Variants in PRKCZ observed in about 807,000 individuals in gnomAD.
The protein encoded by PRKCZ is protein kinase C zeta type.
In PRKCZ, 33 loss-of-function variants were observed where a neutral mutation model predicts 79.5. The ratio of observed to expected loss-of-function variants is 0.41; its 90% CI spans 0.31 to 0.55. The LOEUF (loss-of-function observed/expected upper bound fraction) is 0.55. Among genes scored for constraint, PRKCZ ranks in the 20% least tolerant of loss-of-function variants. The pLI is 0.19. For synonymous variants in PRKCZ, 342 were observed against 320.9 expected, an observed-to-expected ratio of 1.07 and a Z score of -0.70; for missense variants, 578 against 813.5, an observed-to-expected ratio of 0.71 and a Z score of 3.52.
chr1:2,064,308 T>C (rs1171740387), intron 4 of PRKCZ, among the ~76,000 whole-genome samples: 1 of 152,248 alleles, frequency 6.6e-6, no homozygotes, highest in East Asian at 1.9e-4. Context: ...CTTCTCCTGC[T>C]TTGTGGGTTG....
chr1:2,144,095 C>G, intron 5 of PRKCZ, 115 bp from the exon 6 acceptor site: 1 of 1,417,748 alleles, frequency 7.1e-7, no homozygotes, highest in Non-Finnish European at 9.4e-7. Context: ...CCGGGGCCAC[C>G]TGTTGCCCGG....
Position 2,184,603 on chromosome 1 carries a change from C to G in PRKCZ, c.1596C>G (p.Leu532=). ...CCAAGCTGGAGAAGAAGCAGGCGCTCCCTCCATTCCAGCCACAGATCACAG... is the reference window on the plus strand; with the variant it reads ...CCAAGCTGGAGAAGAAGCAGGCGCTGCCTCCATTCCAGCCACAGATCACAG... The part of the protein sequence containing the change: ...DWDLLEKKQA[L]PPFQPQITDD... The change falls in exon 17 of 18, where the codon CTC becomes CTG. Residue 532 remains leucine, a synonymous_variant. Transcript: ENST00000378567. 6.2e-7 allele frequency: 1 copy of G among 1,613,902 alleles called. No homozygotes were observed. The highest frequency in any genetic ancestry group is 1.3e-5 in the African/African-American group (1 of 75,056).
At chr1:2,135,403 C>A in intron 5 of PRKCZ, 56 bp downstream of exon 5, 2 of 1,472,688 alleles carry the variant, frequency 1.4e-6, no homozygotes, top group Non-Finnish European at 1.9e-6. Flanking sequence ...CTTTTAAAAG[C>A]AAAGAGAGAG....
chr1:2,148,577 C>G (rs1212053144), intron 7 of PRKCZ, among the ~76,000 whole-genome samples: 1 of 152,236 alleles, frequency 6.6e-6, no homozygotes, highest in Admixed American at 6.5e-5. Flanking sequence ...ACTCCTGCCC[C>G]TACCCACCCA....
At chr1:2,152,683 C>T (rs906164398) in intron 9 of PRKCZ, among the ~76,000 whole-genome samples, 2 of 152,244 alleles carry the variant, frequency 1.3e-5, no homozygotes, top group South Asian at 2.1e-4. Context: ...TTCTGCTCTG[C>T]GTCAGCCCCA....
At chr1:2,181,707 G>C in intron 16 of PRKCZ, 1 of 409,082 alleles carries the variant, frequency 2.4e-6, no homozygotes, top group Non-Finnish European at 5.0e-6. Flanking sequence ...AGGACCCTGG[G>C]CCAGCTCCAG....
Position 2,121,462 on chromosome 1 carries a change from A to G in PRKCZ, c.335-13800A>G, listed in dbSNP as rs886302859. 8.9e-3 allele frequency among the ~76,000 whole-genome samples: 682 copies of G among 76,338 alleles called. 12 individuals are homozygous for G. In the East Asian group the frequency reaches 0.13, roughly 14 times the overall value. The allele number at this position is 76,338 out of a possible 152,430, so 50.1% of individuals were successfully genotyped here. A position where few individuals can be genotyped will look rare whatever the true frequency, so the allele number is the denominator to read the frequency against. ...TAGAGTCATGGCGGTAGTTAGTTAG[A>G]GTCATGGCGGTAGTTAGTTAGGGTC... On this transcript the variant is annotated intron_variant, in intron 4 of 17. Coordinates refer to ENST00000378567, the MANE Select transcript of PRKCZ (RefSeq NM_002744.6).
intron 4 of PRKCZ, among the ~76,000 whole-genome samples, chr1:2,129,426 C>G (rs1674536676): frequency 6.6e-6 from 1 of 152,140 alleles, no homozygotes; most frequent in Admixed American, 6.5e-5. Flanking sequence ...AGTCACGGTG[C>G]AGCAGGGCCC....
chr1:2,073,232 C>G (rs148700379), intron 4 of PRKCZ, among the ~76,000 whole-genome samples: 3 of 152,092 alleles, frequency 2.0e-5, no homozygotes, highest in African/African-American at 7.2e-5. Context: ...CTTGGCCTTT[C>G]CTGTTCCTGC....
At chr1:2,136,222 G>A (rs777773441) in intron 5 of PRKCZ, among the ~76,000 whole-genome samples, 3 of 152,184 alleles carry the variant, frequency 2.0e-5, no homozygotes, top group South Asian at 4.1e-4. Flanking sequence ...TAGACCATCA[G>A]GAAGTTCTGT....
intron 6 of PRKCZ, 136 bp downstream of exon 6, chr1:2,144,477 A>AGCC (rs1678074666): frequency 6.9e-7 from 1 of 1,458,058 alleles, no homozygotes; most frequent in African/African-American, 1.4e-5. Flanking sequence ...TCTGGGCTGC[A>AGCC]GCGTGAGACT....
At chr1:2,159,850 G>A (rs71630966) in intron 10 of PRKCZ, among the ~76,000 whole-genome samples, 4,943 of 152,218 alleles carry the variant, frequency 0.032, 113 homozygotes, top group Non-Finnish European at 0.047. Context: ...TCTCCAAAAC[G>A]AGAAATCGCT....
At chr1:2,070,411 G>T (rs1661470000) in intron 4 of PRKCZ, among the ~76,000 whole-genome samples, 1 of 152,296 alleles carries the variant, frequency 6.6e-6, no homozygotes, top group South Asian at 2.1e-4. Context: ...CCTTGGGTCT[G>T]GTGGGACCCC....
In PRKCZ at chr1:2,172,525, C is replaced by A; in HGVS notation, c.1285+137C>A. The A allele has an allele frequency of 9.9e-7, 1 of 1,010,238 alleles. No individual in the cohort carries two copies. The highest frequency in any genetic ancestry group is 1.7e-5 in the South Asian group (1 of 59,424). 62.6% of individuals were successfully genotyped at this position (1,010,238 alleles called of 1,614,324 possible). A position where few individuals can be genotyped will look rare whatever the true frequency, so the allele number is the denominator to read the frequency against. ...CACACTGTCTTTCCCAGCCGGATGT[C>A]ATCATCTGGCCTCAGCCCCTTATTT... On this transcript the variant is annotated intron_variant, in intron 13 of 17. Transcript: ENST00000378567. This position sits in a 1 kb window ranked among gnomAD's most constrained non-coding sequence, Gnocchi z 7.8.
intron 4 of PRKCZ, among the ~76,000 whole-genome samples, chr1:2,090,047 C>T (rs922162408): frequency 6.6e-6 from 1 of 152,204 alleles, no homozygotes; most frequent in African/African-American, 2.4e-5. Flanking sequence ...CACCCGGGCC[C>T]TTCCTCCCCG....
At chr1:2,175,606 C>CG (rs955597888) in intron 16 of PRKCZ, among the ~76,000 whole-genome samples, 1 of 150,478 alleles carries the variant, frequency 6.6e-6, no homozygotes, top group Non-Finnish European at 1.5e-5. Flanking sequence ...TGGACAGAGC[C>CG]GGGGCTGTGT....
chr1:2,074,369 C>T (rs912050637), intron 4 of PRKCZ: 1 of 1,504,278 alleles, frequency 6.6e-7, no homozygotes, highest in Non-Finnish European at 9.0e-7. Context: ...CGTCTGCCTG[C>T]CTGGCCCCAG....
rs1372193985 is a variant in PRKCZ at position 2,094,357 on chromosome 1, C to T, written c.334+34766C>T. Among the ~76,000 whole-genome samples, 8 of 152,196 alleles carry T rather than the reference C, an allele frequency of 5.3e-5. No homozygotes were observed. In the South Asian group the frequency reaches 6.2e-4, roughly 12 times the overall value. On this transcript the variant is annotated intron_variant, in intron 4 of 17. Transcript: ENST00000378567. This position sits in a 1 kb window ranked among gnomAD's most constrained non-coding sequence, Gnocchi z 7.3. ...TGGGCAGTGGCGGAGGCAGTGGCCC[C>T]GGCTCGTTGAACCTTGGGCACTGCC...
intron 4 of PRKCZ, among the ~76,000 whole-genome samples, chr1:2,104,269 A>C (rs943464704): frequency 2.0e-5 from 3 of 152,168 alleles, no homozygotes; most frequent in African/African-American, 7.2e-5. Context: ...CACCTCCAGC[A>C]GTCGAACATC....
Sources: gnomAD v4.1 joint callset for allele counts (sites outside exome capture counted in the v4.1 genomes callset) on GRCh38, gnomAD v4.1.1 for gene constraint, Gnocchi (gnomAD v3.1) non-coding constraint, MANE v1.5 for transcripts, NCBI Gene and HGNC (gene_info 2026-07-23, HGNC 2026-07-21) for gene names.